Variants in OPCML observed in about 807,000 individuals in gnomAD.
OPCML encodes the protein opioid binding protein/cell adhesion molecule like.
OPCML carries 13 observed loss-of-function variants against 37.8 expected under a neutral mutation model. That is an observed-to-expected ratio of 0.34 (90% CI 0.22 to 0.55). OPCML has a LOEUF of 0.55. OPCML is among the 20% of genes least tolerant of loss of function. The pLI, the probability that OPCML is intolerant of heterozygous loss-of-function variation, is 0.91. For missense variants in OPCML, 341 were observed against 435.6 expected (o/e 0.78, Z 1.93); for synonymous variants, 176 against 168.8 (o/e 1.04, Z -0.33).
intron 4 of OPCML, among the ~76,000 whole-genome samples, chr11:132,444,147 G>T (rs1010006940): frequency 1.1e-4 from 17 of 152,178 alleles, no homozygotes; most frequent in Admixed American, 1.0e-3. Context: ...AGACACAGGA[G>T]TAATGCCTTC....
intron 4 of OPCML, among the ~76,000 whole-genome samples, chr11:132,527,194 G>T (rs2096310693): frequency 6.6e-6 from 1 of 152,100 alleles, no homozygotes; most frequent in East Asian, 1.9e-4. Flanking sequence ...AAAAACATTT[G>T]TGTACAATGT....
intron 4 of OPCML, among the ~76,000 whole-genome samples, chr11:132,513,987 C>CATGA (rs2096274427): frequency 6.6e-6 from 1 of 152,122 alleles, no homozygotes; most frequent in South Asian, 2.1e-4. Flanking sequence ...TGAACAAGTG[C>CATGA]ATGAATAAAT....
At chr11:132,942,455 G>A (rs1391149862) in intron 2 of OPCML, among the ~76,000 whole-genome samples, 2 of 152,168 alleles carry the variant, frequency 1.3e-5, no homozygotes, top group East Asian at 1.9e-4. Flanking sequence ...ATAACAGGCC[G>A]TGGGCTGACA....
At chr11:132,935,991 C>G (rs966413290) in intron 2 of OPCML, among the ~76,000 whole-genome samples, 10 of 152,130 alleles carry the variant, frequency 6.6e-5, no homozygotes, top group African/African-American at 2.4e-4. Context: ...CATGAGCATC[C>G]ATGATCCCCC....
At chr11:132,602,105 A>G (rs1017593057) in intron 3 of OPCML, among the ~76,000 whole-genome samples, 5 of 152,156 alleles carry the variant, frequency 3.3e-5, no homozygotes, top group Non-Finnish European at 5.9e-5. Flanking sequence ...CAAACAGGAG[A>G]CAGCTTCACA....
chr11:132,644,663 A>T (rs1481606403), intron 3 of OPCML, among the ~76,000 whole-genome samples: 3 of 152,186 alleles, frequency 2.0e-5, no homozygotes, highest in African/African-American at 4.8e-5. Context: ...GCCTGAAAAC[A>T]TCAATCCTGT....
chr11:132,637,095 A>G (rs1940550201), intron 3 of OPCML, among the ~76,000 whole-genome samples: 1 of 151,846 alleles, frequency 6.6e-6, no homozygotes, highest in African/African-American at 2.4e-5. Context: ...ACCTATTTAT[A>G]TATTTTTTAC....
chr11:133,109,707 G>A (rs1215497069), intron 1 of OPCML, among the ~76,000 whole-genome samples: 2 of 152,148 alleles, frequency 1.3e-5, no homozygotes, highest in Non-Finnish European at 2.9e-5. Flanking sequence ...TCTACCTGGT[G>A]ACCTGACCTC....
intron 2 of OPCML, among the ~76,000 whole-genome samples, chr11:132,842,587 G>A (rs139983460): frequency 3.6e-4 from 55 of 152,250 alleles, no homozygotes; most frequent in African/African-American, 1.3e-3. Flanking sequence ...ACTGAGTGTT[G>A]GATAGTTCAG....
intron 4 of OPCML, among the ~76,000 whole-genome samples, chr11:132,479,542 C>T (rs1304615559): frequency 6.6e-6 from 1 of 152,222 alleles, no homozygotes; most frequent in Non-Finnish European, 1.5e-5. Flanking sequence ...GGAGGCCTGC[C>T]TGCCTCTGTA....
intron 1 of OPCML, among the ~76,000 whole-genome samples, chr11:132,949,897 G>A (rs1430500050): frequency 6.6e-6 from 1 of 152,174 alleles, no homozygotes; most frequent in Non-Finnish European, 1.5e-5. Context: ...TATACATTAA[G>A]AAAAGGTGTG....
intron 2 of OPCML, among the ~76,000 whole-genome samples, chr11:132,894,187 T>C (rs553857702): frequency 6.6e-6 from 1 of 152,356 alleles, no homozygotes; most frequent in African/African-American, 2.4e-5. Context: ...ATCAATCATC[T>C]TGTTACACTA....
In OPCML at chr11:133,148,982, G is replaced by T. The variant is rs1273122878; in HGVS notation, c.62-205972C>A. 6.6e-5 allele frequency among the ~76,000 whole-genome samples: 10 copies of T among 152,274 alleles called. No homozygotes were observed. The South Asian group carries it at 2.1e-3, about 32-fold the overall frequency. On this transcript the variant is annotated intron_variant, in intron 1 of 7. Coordinates refer to ENST00000524381, the MANE Select transcript of OPCML (RefSeq NM_001012393.5). ...GTCTTGAGAAGGAGAGAGGGGTTAA[G>T]GTAGAGGAGGAGAGTGGAGAAAAAG...
At chr11:133,107,038 C>T (rs1320780675) in intron 1 of OPCML, among the ~76,000 whole-genome samples, 1 of 152,178 alleles carries the variant, frequency 6.6e-6, no homozygotes, top group Non-Finnish European at 1.5e-5. Flanking sequence ...TCAGGGAAAA[C>T]AAGGCCAAGG....
At chr11:132,739,962 A>T (rs1206773179) in intron 2 of OPCML, among the ~76,000 whole-genome samples, 6 of 152,166 alleles carry the variant, frequency 3.9e-5, no homozygotes, top group Non-Finnish European at 8.8e-5. Flanking sequence ...AATCTTAAAA[A>T]AAGGCAGGTG....
At chr11:133,496,730 T>C (rs190101090) in intron 1 of OPCML, among the ~76,000 whole-genome samples, 1 of 152,374 alleles carries the variant, frequency 6.6e-6, no homozygotes, top group African/African-American at 2.4e-5. Flanking sequence ...GAAGAGCTAC[T>C]GATTTGTGTA....
intron 1 of OPCML, among the ~76,000 whole-genome samples, chr11:133,052,502 C>T (rs1341321027): frequency 4.6e-5 from 7 of 152,174 alleles, no homozygotes; most frequent in Admixed American, 6.5e-5. Context: ...TTCATGTCCA[C>T]GTGCTTCATA....
intron 1 of OPCML, among the ~76,000 whole-genome samples, chr11:133,145,824 G>T (rs970148830): frequency 2.0e-5 from 3 of 152,222 alleles, no homozygotes; most frequent in Admixed American, 6.5e-5. Context: ...GAGTGAATTC[G>T]CAGACAACAG....
intron 1 of OPCML, among the ~76,000 whole-genome samples, chr11:133,048,694 G>C (rs1948070533): frequency 6.6e-6 from 1 of 152,182 alleles, no homozygotes; most frequent in Non-Finnish European, 1.5e-5. Flanking sequence ...GAACTATACA[G>C]TACTAGATAG....
Sources: allele counts gnomAD v4.1 joint callset (sites outside exome capture counted in the v4.1 genomes callset), GRCh38; gene constraint gnomAD v4.1.1; transcripts MANE v1.5; gene names NCBI Gene and HGNC (gene_info 2026-07-23, HGNC 2026-07-21).